The following FDXR variants were observed in gnomAD, a reference collection of about 807,000 sequenced individuals.
FDXR encodes ferredoxin reductase.
A neutral mutation model predicts 58.3 loss-of-function variants in FDXR; 38 were observed. The observed-to-expected ratio is 0.65, with a 90% CI of 0.50 to 0.85. The LOEUF (loss-of-function observed/expected upper bound fraction) is 0.85, where lower values mean the gene tolerates loss of function less well. Ranked by LOEUF, FDXR falls within the 40% of genes least tolerant of loss-of-function variation. The pLI is 0.00. For missense variants in FDXR, 624 were observed against 671.0 expected (o/e 0.93, Z 0.77); for synonymous variants, 275 against 273.8 (o/e 1.00, Z -0.04).
At chr17:74,867,400 C>T (rs35880273) in intron 2 of FDXR, among the ~76,000 whole-genome samples, 1 of 151,910 alleles carries the variant, frequency 6.6e-6, no homozygotes, top group Non-Finnish European at 1.5e-5. Context: ...TGGCTTCCCC[C>T]GACTGGAATT....
chr17:74,869,485 C>T (rs955109305), intron 2 of FDXR, among the ~76,000 whole-genome samples: 1 of 152,198 alleles, frequency 6.6e-6, no homozygotes, highest in East Asian at 1.9e-4. Flanking sequence ...TTACTGCACA[C>T]AGGCACCTTC....
intron 10 of FDXR, 124 bp from the exon 11 acceptor site, chr17:74,863,370 G>A (rs998097911): frequency 2.2e-5 from 21 of 939,426 alleles, no homozygotes; most frequent in Admixed American, 2.1e-4. Context: ...GCAGACTGTC[G>A]GCTGAGCCTG....
intron 2 of FDXR, among the ~76,000 whole-genome samples, chr17:74,871,152 C>G (rs943010510): frequency 6.6e-6 from 1 of 152,110 alleles, no homozygotes; most frequent in African/African-American, 2.4e-5. Context: ...CTCACGCTGC[C>G]CACATTATTG....
At chr17:74,863,313 C>T (rs1051269630) in intron 10 of FDXR, 67 bp from the exon 11 acceptor site, 15 of 1,477,436 alleles carry the variant, frequency 1.0e-5, no homozygotes, top group Non-Finnish European at 1.2e-5. Flanking sequence ...ATCCTGTGCC[C>T]ACAATCTACA....
chr17:74,868,803 C>T, intron 2 of FDXR: 1 of 1,426,346 alleles, frequency 7.0e-7, no homozygotes, highest in Non-Finnish European at 9.2e-7. Context: ...ATTTAACCCA[C>T]TCCCTCCTGC....
chr17:74,864,571 G>C lies in FDXR; in HGVS notation c.718-7C>G. 6.2e-7 allele frequency: 1 copy of C among 1,613,038 alleles called. No homozygotes were observed. Among genetic ancestry groups the C allele is most frequent in the Non-Finnish European group, 8.5e-7 (1 of 1,179,240 alleles). On this transcript the variant is annotated splice_region_variant and splice_polypyrimidine_tract_variant and intron_variant, in intron 7 of 11. Transcript: ENST00000293195. Reference sequence around the variant, plus strand: ...GAATCATCTCCCGAAGCTCCTTGAAGGTGGGAGCAGGGAATGGGGGAGGAG... The same window carrying C: ...GAATCATCTCCCGAAGCTCCTTGAACGTGGGAGCAGGGAATGGGGGAGGAG...
chr17:74,863,745 AGAG>A, intron 10 of FDXR, 148 bp downstream of exon 10: 1 of 961,112 alleles, frequency 1.0e-6, no homozygotes, highest in Admixed American at 2.3e-5. Flanking sequence ...CTCAGGGCCA[AGAG>A]GAGGGCGGCA....
rs534647083 is a variant in FDXR, at chr17:74,862,806, T to G, written c.*11A>C. On this transcript the variant is annotated 3_prime_UTR_variant, in exon 12 of 12. Transcript: ENST00000293195. ...TCCCTTCCCTGCTGGGGGCCGGGGCTGGGGCTGGGCTCAGTGGCCCAGGAG... is the reference window on the plus strand; with the variant it reads ...TCCCTTCCCTGCTGGGGGCCGGGGCGGGGGCTGGGCTCAGTGGCCCAGGAG... 26 of 1,604,240 alleles carry G rather than the reference T, an allele frequency of 1.6e-5. No individual in the cohort carries two copies. The South Asian group carries it at 2.9e-4, about 18-fold the overall frequency.
At position 74,862,676 on chromosome 17, in the gene FDXR, G is replaced by A; in HGVS notation, c.*141C>T. On this transcript the variant is annotated 3_prime_UTR_variant, in exon 12 of 12. Coordinates refer to ENST00000293195, the MANE Select transcript of FDXR (RefSeq NM_024417.5). The stretch of plus-strand genomic sequence containing the variant: ...GGGCGACCTTCCCCAGGAGGGAGGA[G>A]AGACGCTGGAAGAGCAGCCAAGCCT... 1.7e-6 allele frequency: 2 copies of A among 1,182,758 alleles called. No individual in the cohort carries two copies. Among genetic ancestry groups the A allele is most frequent in the South Asian group, 1.6e-5 (1 of 62,722 alleles). 73.3% of individuals were successfully genotyped at this position (1,182,758 alleles called of 1,614,324 possible).
At chr17:74,870,269 G>A (rs546737317) in intron 2 of FDXR, among the ~76,000 whole-genome samples, 1 of 152,212 alleles carries the variant, frequency 6.6e-6, no homozygotes, top group South Asian at 2.1e-4. Flanking sequence ...GTAATCCCAG[G>A]ACTTTGGGAG....
chr17:74,871,757 A>G (rs773482553), intron 2 of FDXR, among the ~76,000 whole-genome samples: 2 of 152,220 alleles, frequency 1.3e-5, no homozygotes, highest in Admixed American at 1.3e-4. Context: ...GCAGGTCTAC[A>G]TAAGCCCCCT....
chr17:74,868,333 A>G lies in FDXR; in HGVS notation c.178-1457T>C, dbSNP rs1427932765. ...GGGGAAAGTTTCTTCTCTGTCCAAAAGAAGAGCCCTGTGGTGTCCTGCTCA... is the reference window on the plus strand; with the variant it reads ...GGGGAAAGTTTCTTCTCTGTCCAAAGGAAGAGCCCTGTGGTGTCCTGCTCA... On this transcript the variant is annotated intron_variant, in intron 2 of 11. Transcript: ENST00000293195. 28 of 618,032 alleles carry G rather than the reference A, an allele frequency of 4.5e-5. 1 individual carries two copies. In the South Asian group the frequency reaches 5.2e-4, roughly 12 times the overall value. 38.3% of individuals were successfully genotyped at this position (618,032 alleles called of 1,614,324 possible). A position where few individuals can be genotyped will look rare whatever the true frequency, so the allele number is the denominator to read the frequency against.
At chr17:74,872,595 C>A in intron 1 of FDXR, 1 of 708,898 alleles carries the variant, frequency 1.4e-6, no homozygotes, top group Admixed American at 3.0e-5. Flanking sequence ...CACAGACCTC[C>A]GTATCATCCT....
At chr17:74,868,801 C>T in intron 2 of FDXR, 1 of 1,435,456 alleles carries the variant, frequency 7.0e-7, no homozygotes, top group Non-Finnish European at 9.2e-7. Context: ...GGATTTAACC[C>T]ACTCCCTCCT....
At position 74,863,940 on chromosome 17, in the gene FDXR, A is replaced by G. The variant is rs370158736; in HGVS notation, c.1130T>C (p.Leu377Pro). 1.2e-6 allele frequency: 2 copies of G among 1,613,972 alleles called. No individual in the cohort carries two copies. Among genetic ancestry groups the G allele is most frequent in the African/African-American group, 2.7e-5 (2 of 74,932 alleles). The change falls in exon 10 of 12, where the codon CTT (leucine) becomes CCT (proline). Residue 377 changes from leucine to proline, a missense_variant. Physicochemically the swap from Leu to Pro is moderately conservative, Grantham distance 98 (BLOSUM62 -3). Transcript: ENST00000293195. ...GCCCTCCACATTGGGGATGACCCCA[A>G]GCTTGGAGTCAAAGGGCACGCTTGG... Reference protein sequence around the residue: ...VDPSVPFDSKLGVIPNVEGRV... With the variant: ...VDPSVPFDSKPGVIPNVEGRV...
chr17:74,863,525 G>A (rs940200314), intron 10 of FDXR, among the ~76,000 whole-genome samples: 6 of 152,180 alleles, frequency 3.9e-5, no homozygotes, highest in Non-Finnish European at 7.3e-5. Flanking sequence ...GTAGGCCCTT[G>A]GTAAATGTTT....
At position 74,872,104 on chromosome 17, in the gene FDXR, TCTC is replaced by T. The variant is rs1246351633; in HGVS notation, c.106_108del (p.Glu36del). 3 of 1,607,330 alleles carry T rather than the reference TCTC, an allele frequency of 1.9e-6. No homozygotes were observed. Among genetic ancestry groups the T allele is most frequent in the Non-Finnish European group, 2.5e-6 (3 of 1,176,604 alleles). On this transcript the variant is annotated inframe_deletion, in exon 2 of 12. Transcript: ENST00000293195. ...CCCACCACACAGATCTGGGGGGTCT[TCTC>T]CTGTGTGGAGAAATGGTGGCAGAAG...
chr17:74,866,853 G>A lies in FDXR; in HGVS notation c.201C>T (p.Ile67=). The change falls in exon 3 of 12, where the codon ATC becomes ATT. Residue 67 remains isoleucine (I), a synonymous_variant. Coordinates refer to ENST00000293195, the MANE Select transcript of FDXR (RefSeq NM_024417.5). ...LLKHPQAHVD[I]YEKQPVPFGL... is the part of the protein sequence containing the mutation. Reference sequence around the variant, plus strand: ...CAAAGGGCACAGGCTGTTTCTCGTAGATGTCCACGTGGGCCTGGGGGTGCT... The same window carrying A: ...CAAAGGGCACAGGCTGTTTCTCGTAAATGTCCACGTGGGCCTGGGGGTGCT... The A allele has an allele frequency of 6.2e-7, 1 of 1,614,226 alleles. No homozygotes were observed. The highest frequency in any genetic ancestry group is 8.5e-7 in the Non-Finnish European group (1 of 1,180,044).
At position 74,866,741 on chromosome 17, in the gene FDXR, C is replaced by T. The variant is rs745613869; in HGVS notation, c.270+43G>A. 2.5e-6 allele frequency: 4 copies of T among 1,610,116 alleles called. No homozygotes were observed. In the South Asian group the frequency reaches 4.4e-5, roughly 18 times the overall value. On this transcript the variant is annotated intron_variant, in intron 3 of 11. Coordinates refer to ENST00000293195, the MANE Select transcript of FDXR (RefSeq NM_024417.5). ...AGCCTCCCTGCCCTCCTCATCTTGA[C>T]CAAAGTCTCCAAACCCCAGCCTCCA...
Sources: allele counts gnomAD v4.1 joint callset (sites outside exome capture counted in the v4.1 genomes callset), GRCh38; gene constraint gnomAD v4.1.1; transcripts MANE v1.5; gene names NCBI Gene and HGNC (gene_info 2026-07-23, HGNC 2026-07-21).